Variants in NLGN1 observed in about 807,000 individuals in gnomAD.
The protein encoded by NLGN1 is neuroligin-1.
Under a neutral mutation model 65.5 loss-of-function variants are expected in NLGN1, and 12 were observed. The ratio of observed to expected loss-of-function variants is 0.18; its 90% CI spans 0.12 to 0.30. The LOEUF (loss-of-function observed/expected upper bound fraction) is 0.30, where lower values mean the gene tolerates loss of function less well. Ranked by LOEUF, NLGN1 falls within the 10% of genes least tolerant of loss-of-function variation. The pLI, the probability that NLGN1 is intolerant of heterozygous loss-of-function variation, is 1.00. For missense variants in NLGN1, 750 were observed against 1,007.1 expected (o/e 0.74, Z 3.46); for synonymous variants, 350 against 359.5 (o/e 0.97, Z 0.30).
intron 4 of NLGN1, among the ~76,000 whole-genome samples, chr3:173,996,670 A>C (rs1722336796): frequency 6.6e-6 from 1 of 152,192 alleles, no homozygotes; most frequent in East Asian, 1.9e-4. Flanking sequence ...GTACGCTTGA[A>C]CATTTCAAAT....
At chr3:173,665,492 G>A (rs1761563617) in intron 3 of NLGN1, among the ~76,000 whole-genome samples, 2 of 152,166 alleles carry the variant, frequency 1.3e-5, no homozygotes, top group South Asian at 4.1e-4. Context: ...TGGCACAACT[G>A]TCGAGCCATT....
chr3:173,699,478 T>G (rs1766787785), intron 3 of NLGN1, among the ~76,000 whole-genome samples: 1 of 152,214 alleles, frequency 6.6e-6, no homozygotes, highest in Admixed American at 6.5e-5. Context: ...AATGGCCTGA[T>G]TTTTCCAGGA....
At chr3:173,579,352 G>A (rs1421560853) in intron 2 of NLGN1, among the ~76,000 whole-genome samples, 4 of 152,172 alleles carry the variant, frequency 2.6e-5, no homozygotes, top group Non-Finnish European at 4.4e-5. Context: ...GCATGGCGCC[G>A]GTATTCTCAG....
chr3:174,083,111 A>C (rs1438349801), intron 4 of NLGN1, among the ~76,000 whole-genome samples: 1 of 152,198 alleles, frequency 6.6e-6, no homozygotes, highest in Non-Finnish European at 1.5e-5. Flanking sequence ...AGATCTAATA[A>C]ATGAAATAAA....
At chr3:174,253,610 G>A (rs1400450422) in intron 4 of NLGN1, among the ~76,000 whole-genome samples, 1 of 152,142 alleles carries the variant, frequency 6.6e-6, no homozygotes, top group Non-Finnish European at 1.5e-5. Context: ...AATGCTTAGT[G>A]AAAACTGCAC....
chr3:174,221,943 C>T (rs1738747799), intron 4 of NLGN1, among the ~76,000 whole-genome samples: 1 of 152,024 alleles, frequency 6.6e-6, no homozygotes, highest in Non-Finnish European at 1.5e-5. Context: ...ATAAAGACAT[C>T]TGTCATTAGA....
intron 4 of NLGN1, among the ~76,000 whole-genome samples, chr3:174,104,673 C>T (rs1056197921): frequency 2.6e-5 from 4 of 151,924 alleles, no homozygotes; most frequent in Non-Finnish European, 5.9e-5. Flanking sequence ...TAACTCGAGA[C>T]AAAAAAGAGC....
chr3:173,523,396 T>G (rs1192956626), intron 2 of NLGN1, among the ~76,000 whole-genome samples: 1 of 151,768 alleles, frequency 6.6e-6, no homozygotes, highest in East Asian at 1.9e-4. Context: ...AGGTATTATG[T>G]TTAAATATTT....
At chr3:174,232,425 TCA>T (rs1740891423) in intron 4 of NLGN1, among the ~76,000 whole-genome samples, 1 of 152,184 alleles carries the variant, frequency 6.6e-6, no homozygotes, top group Non-Finnish European at 1.5e-5. Flanking sequence ...TAGCTTGGGC[TCA>T]GAGGCCTGAC....
intron 4 of NLGN1, among the ~76,000 whole-genome samples, chr3:174,214,893 T>C (rs566151589): frequency 1.3e-5 from 2 of 152,270 alleles, no homozygotes; most frequent in East Asian, 3.9e-4. Context: ...TTATATGTTA[T>C]TGTCTAAAAT....
chr3:173,856,243 A>G (rs1271815887), intron 4 of NLGN1, among the ~76,000 whole-genome samples: 1 of 149,138 alleles, frequency 6.7e-6, no homozygotes, highest in Non-Finnish European at 1.5e-5. Flanking sequence ...TTGCAGTGGT[A>G]GTAATAGAAA....
intron 4 of NLGN1, among the ~76,000 whole-genome samples, chr3:173,894,932 C>T (rs947899855): frequency 2.0e-5 from 3 of 152,074 alleles, no homozygotes; most frequent in Non-Finnish European, 4.4e-5. Context: ...CCCCCTCACT[C>T]GGCCAATAAA....
At chr3:174,259,908 C>A (rs1324026589) in intron 4 of NLGN1, among the ~76,000 whole-genome samples, 2 of 142,574 alleles carry the variant, frequency 1.4e-5, no homozygotes, top group African/African-American at 5.2e-5. Flanking sequence ...TTCTTCAATT[C>A]CCACCTATGA....
At chr3:173,425,352 G>C (rs1715899998) in intron 1 of NLGN1, among the ~76,000 whole-genome samples, 1 of 132,530 alleles carries the variant, frequency 7.5e-6, no homozygotes, top group African/African-American at 3.1e-5. Flanking sequence ...CTATGCAGAG[G>C]CTTTTTTTTT....
chr3:174,234,771 A>G (rs946923871), intron 4 of NLGN1, among the ~76,000 whole-genome samples: 2 of 152,328 alleles, frequency 1.3e-5, no homozygotes, highest in Non-Finnish European at 2.9e-5. Context: ...AAACAAAAGC[A>G]TATGAAATTT....
intron 2 of NLGN1, among the ~76,000 whole-genome samples, chr3:173,447,376 G>A (rs1720563599): frequency 1.3e-5 from 2 of 152,106 alleles, no homozygotes; most frequent in Admixed American, 6.5e-5. Flanking sequence ...GGTAGTTGTA[G>A]ATACATGGCA....
intron 1 of NLGN1, among the ~76,000 whole-genome samples, chr3:173,403,541 G>A (rs1309504411): frequency 6.6e-6 from 1 of 152,080 alleles, no homozygotes; most frequent in African/African-American, 2.4e-5. Context: ...GGGCTCAAGG[G>A]AGGGATCTAA....
chr3:173,423,957 G>A (rs1208772875), intron 1 of NLGN1, among the ~76,000 whole-genome samples: 4 of 152,108 alleles, frequency 2.6e-5, no homozygotes, highest in African/African-American at 4.8e-5. Flanking sequence ...CCTGGACATC[G>A]AGGCATTTTT....
At chr3:174,183,158 C>A (rs1376738479) in intron 4 of NLGN1, among the ~76,000 whole-genome samples, 2 of 152,042 alleles carry the variant, frequency 1.3e-5, no homozygotes, top group South Asian at 4.1e-4. Flanking sequence ...CTGGCACCTC[C>A]CGTCCCCATT....
Sources: allele counts gnomAD v4.1 joint callset (sites outside exome capture counted in the v4.1 genomes callset), GRCh38; gene constraint gnomAD v4.1.1; transcripts MANE v1.5; gene names NCBI Gene and HGNC (gene_info 2026-07-23, HGNC 2026-07-21).